Variants in DNAH17 observed in about 807,000 individuals in gnomAD.
DNAH17 encodes dynein axonemal heavy chain 17, also known as axonemal beta dynein heavy chain 17.
In DNAH17, 376 loss-of-function variants were observed where a neutral mutation model predicts 485.6. The observed-to-expected ratio is 0.77, with a 90% CI of 0.71 to 0.84. The LOEUF (loss-of-function observed/expected upper bound fraction) is 0.84, where lower values mean the gene tolerates loss of function less well. Among genes scored for constraint, DNAH17 ranks in the 40% least tolerant of loss-of-function variants. The probability of loss-of-function intolerance (pLI) is 0.00; values close to 1 mark genes in which losing one functional copy is unlikely to be tolerated. For missense variants in DNAH17, 6,370 were observed against 5,839.3 expected, an observed-to-expected ratio of 1.09 and a Z score of -2.96; for synonymous variants, 3,031 against 2,405.9, an observed-to-expected ratio of 1.26 and a Z score of -7.60.
intron 26 of DNAH17, 117 bp from the exon 27 acceptor site, chr17:78,510,623 G>C: frequency 7.2e-7 from 1 of 1,395,006 alleles, no homozygotes. Context: ...GCTGCTGGAG[G>C]GAGGGAGGCG....
Position 78,455,658 on chromosome 17 carries a change from T to C in DNAH17, c.10156A>G (p.Ile3386Val), listed in dbSNP as rs751339667. Residue 3386 changes from isoleucine (I) to valine (V), a missense_variant, in exon 63 of 81, where the codon ATA becomes GTA. Ile to Val is a conservative substitution (Grantham distance 29, BLOSUM62 3). Coordinates refer to ENST00000389840, the MANE Select transcript of DNAH17 (RefSeq NM_173628.4). ...CCACTCCTTACCTTTAAGTTATGTATGTAAGGGATCCAGAATTTCTCCATC... is the reference window on the plus strand; with the variant it reads ...CCACTCCTTACCTTTAAGTTATGTACGTAAGGGATCCAGAATTTCTCCATC... ...ELMEKFWIPYIHNLKVPIPIT... is the reference protein window; with the variant it reads ...ELMEKFWIPYVHNLKVPIPIT... 1.3e-6 allele frequency: 2 copies of C among 1,554,240 alleles called. No homozygotes were observed. Among genetic ancestry groups the C allele is most frequent in the Non-Finnish European group, 1.7e-6 (2 of 1,148,670 alleles).
intron 54 of DNAH17, among the ~76,000 whole-genome samples, chr17:78,472,928 ATCT>A (rs1188280233): frequency 2.0e-5 from 3 of 152,170 alleles, no homozygotes; most frequent in Non-Finnish European, 1.5e-5. Flanking sequence ...CTGATCAGAC[ATCT>A]TGATGTAGTC....
intron 40 of DNAH17, 50 bp downstream of exon 40, chr17:78,494,543 C>A (rs2089995102): frequency 6.3e-7 from 1 of 1,582,826 alleles, no homozygotes. Flanking sequence ...GGAAGGAAGC[C>A]CCAGCCAGGC....
chr17:78,555,919 G>A (rs1326405816), intron 14 of DNAH17, among the ~76,000 whole-genome samples: 3 of 152,178 alleles, frequency 2.0e-5, no homozygotes, highest in African/African-American at 7.2e-5. Flanking sequence ...CTTTGGACTG[G>A]GATTTACACC....
chr17:78,573,974 G>A (rs1262353091), intron 2 of DNAH17, among the ~76,000 whole-genome samples: 10 of 152,144 alleles, frequency 6.6e-5, no homozygotes, highest in Admixed American at 4.6e-4. Context: ...GGACAGCAGA[G>A]GGACACATAA....
At chr17:78,549,311 G>A (rs538892045) in intron 16 of DNAH17, among the ~76,000 whole-genome samples, 2 of 152,280 alleles carry the variant, frequency 1.3e-5, no homozygotes, top group Non-Finnish European at 2.9e-5. Context: ...GGCACATCGA[G>A]AAGGCAGCCG....
intron 48 of DNAH17, among the ~76,000 whole-genome samples, chr17:78,481,267 T>A (rs2089338106): frequency 6.7e-6 from 1 of 148,712 alleles, no homozygotes; most frequent in African/African-American, 2.5e-5. Context: ...CATGCCTGGC[T>A]AATTTTTTTG....
At chr17:78,497,822 G>A (rs1319024919) in intron 37 of DNAH17, among the ~76,000 whole-genome samples, 9 of 152,308 alleles carry the variant, frequency 5.9e-5, no homozygotes, top group East Asian at 5.8e-4. Flanking sequence ...CTGCCAAGCC[G>A]AGAGTCAGGG....
intron 38 of DNAH17, 79 bp downstream of exon 38, chr17:78,495,796 T>C (rs1327378800): frequency 3.3e-6 from 5 of 1,522,790 alleles, no homozygotes; most frequent in Non-Finnish European, 4.4e-6. Context: ...CCCTCCCCTC[T>C]GCCCACTCCT....
chr17:78,473,353 G>A (rs562337980), intron 54 of DNAH17, among the ~76,000 whole-genome samples: 8 of 152,112 alleles, frequency 5.3e-5, no homozygotes, highest in African/African-American at 1.9e-4. Flanking sequence ...GACCATCCAG[G>A]CTAACACGGT....
At position 78,548,290 on chromosome 17, in the gene DNAH17, C is replaced by T. The variant is rs536483221; in HGVS notation, c.2391+3245G>A. ...CACGATCTCGGCTCACTGCAAGCTCCGCCTCCTGGGTTCACAACATTCTCC... is the reference window on the plus strand; with the variant it reads ...CACGATCTCGGCTCACTGCAAGCTCTGCCTCCTGGGTTCACAACATTCTCC... On this transcript the variant is annotated intron_variant, in intron 16 of 80. Transcript: ENST00000389840. 6.1e-4 allele frequency among the ~76,000 whole-genome samples: 86 copies of T among 141,412 alleles called. 4 individuals are homozygous for T. The South Asian group carries it at 0.018, about 30-fold the overall frequency. 92.8% of individuals were successfully genotyped at this position (141,412 alleles called of 152,430 possible). A position where few individuals can be genotyped will look rare whatever the true frequency, so the allele number is the denominator to read the frequency against.
At chr17:78,476,793 G>A in intron 51 of DNAH17, 60 bp from the exon 52 acceptor site, 1 of 1,563,428 alleles carries the variant, frequency 6.4e-7, no homozygotes, top group Non-Finnish European at 8.7e-7. Flanking sequence ...CCCAGAGCTG[G>A]ACACAGATGA....
chr17:78,443,926 C>G (rs2146468252), intron 71 of DNAH17, among the ~76,000 whole-genome samples: 1 of 152,256 alleles, frequency 6.6e-6, no homozygotes, highest in African/African-American at 2.4e-5. Flanking sequence ...AGGGGAGAAG[C>G]CAGACAGGCC....
At chr17:78,566,459 G>A (rs939649280) in intron 11 of DNAH17, among the ~76,000 whole-genome samples, 155 bp downstream of exon 11, 2 of 152,118 alleles carry the variant, frequency 1.3e-5, no homozygotes, top group African/African-American at 4.8e-5. Context: ...GGTGTTCACG[G>A]CTGACTGACT....
chr17:78,444,474 T>A, intron 71 of DNAH17, 130 bp downstream of exon 71: 1 of 855,812 alleles, frequency 1.2e-6, no homozygotes, highest in Non-Finnish European at 1.7e-6. Context: ...CGTTTCTGTG[T>A]AAAATGGGGA....
chr17:78,496,580 C>CAA (rs1050327454), intron 37 of DNAH17: 1 of 151,786 alleles, frequency 6.6e-6, no homozygotes, highest in Non-Finnish European at 1.5e-5. Flanking sequence ...TGACCCCTGG[C>CAA]AACCATGTCC....
chr17:78,527,828 G>A (rs948388730), intron 22 of DNAH17, among the ~76,000 whole-genome samples: 2 of 152,088 alleles, frequency 1.3e-5, no homozygotes, highest in African/African-American at 2.4e-5. Context: ...GCTGAGGCTG[G>A]AGTGCAGTGG....
Position 78,423,722 on chromosome 17 carries a change from G to T in DNAH17, c.*184C>A. 1 of 726,272 alleles carries T rather than the reference G, an allele frequency of 1.4e-6. No homozygotes were observed. Among genetic ancestry groups the T allele is most frequent in the Admixed American group, 2.8e-5 (1 of 35,788 alleles). The allele number at this position is 726,272 out of a possible 1,614,324, so 45.0% of individuals were successfully genotyped here. A position where few individuals can be genotyped will look rare whatever the true frequency, so the allele number is the denominator to read the frequency against. On this transcript the variant is annotated 3_prime_UTR_variant, in exon 81 of 81. Transcript: ENST00000389840. ...TGAGTGGCTCCACTGGCTTTAATCT[G>T]CCCCACCTCTTCCACACCAACCTCC...
chr17:78,488,850 G>A (rs2089725883), intron 44 of DNAH17, among the ~76,000 whole-genome samples: 1 of 152,112 alleles, frequency 6.6e-6, no homozygotes, highest in African/African-American at 2.4e-5. Context: ...GAGATGGGAG[G>A]GGTGTGTCCA....
Sources: gnomAD v4.1 joint callset for allele counts (sites outside exome capture counted in the v4.1 genomes callset) on GRCh38, gnomAD v4.1.1 for gene constraint, MANE v1.5 for transcripts, NCBI Gene and HGNC (gene_info 2026-07-23, HGNC 2026-07-21) for gene names.